Variants in ZFPM2 observed in about 807,000 individuals in gnomAD.
ZFPM2 encodes the protein zinc finger protein, FOG family member 2, also known as zinc finger protein ZFPM2.
A neutral mutation model predicts 98.6 loss-of-function variants in ZFPM2; 20 were observed. That is an observed-to-expected ratio of 0.20 (90% CI 0.14 to 0.29). The LOEUF (loss-of-function observed/expected upper bound fraction) is 0.29, where lower values mean the gene tolerates loss of function less well. Ranked by LOEUF, ZFPM2 falls within the 10% of genes least tolerant of loss-of-function variation. The pLI is 1.00. For missense variants in ZFPM2, 1,310 were observed against 1,388.6 expected, an observed-to-expected ratio of 0.94 and a Z score of 0.90; for synonymous variants, 518 against 502.7, an observed-to-expected ratio of 1.03 and a Z score of -0.41.
chr8:105,450,156 A>T (rs927000721), intron 3 of ZFPM2, among the ~76,000 whole-genome samples: 6 of 152,132 alleles, frequency 3.9e-5, no homozygotes, highest in African/African-American at 1.4e-4. Context: ...GTTGCTGTTC[A>T]ACATTATGGA....
intron 3 of ZFPM2, among the ~76,000 whole-genome samples, chr8:105,498,292 A>G (rs570921011): frequency 6.6e-6 from 1 of 152,330 alleles, no homozygotes; most frequent in East Asian, 1.9e-4. Flanking sequence ...TAAGCTCTGT[A>G]TTCATAGCTT....
At chr8:105,384,754 A>AGTCC (rs2129897487) in intron 1 of ZFPM2, among the ~76,000 whole-genome samples, 1 of 152,318 alleles carries the variant, frequency 6.6e-6, no homozygotes, top group Admixed American at 6.5e-5. Flanking sequence ...AGCTCCTCTA[A>AGTCC]GTCCTTCCCA....
chr8:105,416,856 A>G (rs1811689321), intron 1 of ZFPM2, among the ~76,000 whole-genome samples: 1 of 152,134 alleles, frequency 6.6e-6, no homozygotes, highest in Admixed American at 6.6e-5. Context: ...TAAAGACTAG[A>G]TCATAAGCAT....
intron 3 of ZFPM2, among the ~76,000 whole-genome samples, chr8:105,552,935 G>A (rs1309655437): frequency 6.7e-6 from 1 of 150,182 alleles, no homozygotes; most frequent in Non-Finnish European, 1.5e-5. Flanking sequence ...TTAGCCTCCT[G>A]AGTAGCTGGG....
intron 3 of ZFPM2, among the ~76,000 whole-genome samples, chr8:105,474,361 T>A (rs908953621): frequency 1.2e-4 from 18 of 152,358 alleles, no homozygotes; most frequent in African/African-American, 4.3e-4. Flanking sequence ...CAACTAGCTC[T>A]TATTTACCCA....
At chr8:105,439,860 A>T (rs1357680805) in intron 2 of ZFPM2, among the ~76,000 whole-genome samples, 2 of 152,212 alleles carry the variant, frequency 1.3e-5, no homozygotes, top group African/African-American at 4.8e-5. Flanking sequence ...TCCCAGAGTG[A>T]TACTCCATTT....
chr8:105,708,503 C>T (rs1203005157), intron 5 of ZFPM2, among the ~76,000 whole-genome samples: 1 of 152,062 alleles, frequency 6.6e-6, no homozygotes, highest in African/African-American at 2.4e-5. Flanking sequence ...GATCACGGCT[C>T]ACTGCACCCT....
intron 4 of ZFPM2, among the ~76,000 whole-genome samples, chr8:105,613,811 A>G (rs1816358492): frequency 1.3e-5 from 2 of 152,306 alleles, no homozygotes; most frequent in South Asian, 4.1e-4. Context: ...GTTCCAGAAT[A>G]TCAAATCATT....
chr8:105,354,062 A>G (rs918271942), intron 1 of ZFPM2, among the ~76,000 whole-genome samples: 1 of 152,192 alleles, frequency 6.6e-6, no homozygotes, highest in African/African-American at 2.4e-5. Flanking sequence ...CTCAGTGGAG[A>G]GCACTCATGA....
At chr8:105,335,498 A>C (rs537277910) in intron 1 of ZFPM2, among the ~76,000 whole-genome samples, 1 of 151,708 alleles carries the variant, frequency 6.6e-6, no homozygotes, top group Admixed American at 6.6e-5. Context: ...TTGGGAAAAA[A>C]GTTAATCTCT....
chr8:105,404,585 G>A (rs1302951630), intron 1 of ZFPM2, among the ~76,000 whole-genome samples: 1 of 151,926 alleles, frequency 6.6e-6, no homozygotes, highest in Non-Finnish European at 1.5e-5. Context: ...AGCTCACTTC[G>A]AGTCATGTTA....
intron 4 of ZFPM2, among the ~76,000 whole-genome samples, chr8:105,613,074 A>G (rs1816338616): frequency 6.6e-6 from 1 of 152,128 alleles, no homozygotes; most frequent in Non-Finnish European, 1.5e-5. Context: ...TTATTTGATT[A>G]AAACAGATTT....
chr8:105,446,424 A>G (rs1812371295), intron 3 of ZFPM2, among the ~76,000 whole-genome samples: 1 of 152,106 alleles, frequency 6.6e-6, no homozygotes, highest in Non-Finnish European at 1.5e-5. Context: ...CTTGGGAGTA[A>G]GTAAGCAAAT....
chr8:105,361,305 A>G (rs1224336398), intron 1 of ZFPM2, among the ~76,000 whole-genome samples: 2 of 147,700 alleles, frequency 1.4e-5, no homozygotes, highest in Non-Finnish European at 3.0e-5. Context: ...TCCTTTGCCC[A>G]CTTTTTGATG....
chr8:105,683,381 A>G (rs1233991241), intron 5 of ZFPM2, among the ~76,000 whole-genome samples: 1 of 152,156 alleles, frequency 6.6e-6, no homozygotes, highest in African/African-American at 2.4e-5. Context: ...TATAAAGTGA[A>G]TGTCACCATT....
intron 3 of ZFPM2, among the ~76,000 whole-genome samples, chr8:105,463,946 C>A (rs978488065): frequency 2.4e-4 from 37 of 152,132 alleles, no homozygotes; most frequent in Admixed American, 5.9e-4. Flanking sequence ...GTGAGGAATG[C>A]ACATGCCAGA....
intron 5 of ZFPM2, among the ~76,000 whole-genome samples, chr8:105,683,626 T>G (rs1236539881): frequency 6.6e-6 from 1 of 152,142 alleles, no homozygotes; most frequent in Non-Finnish European, 1.5e-5. Flanking sequence ...CATGTCTTAT[T>G]ATGTCCACGC....
At chr8:105,779,253 T>G (rs1415620037) in intron 5 of ZFPM2, among the ~76,000 whole-genome samples, 1 of 152,184 alleles carries the variant, frequency 6.6e-6, no homozygotes, top group East Asian at 1.9e-4. Flanking sequence ...TAATACAAAA[T>G]CTAAATGTGA....
chr8:105,393,894 C>CTTT (rs771677766), intron 1 of ZFPM2, among the ~76,000 whole-genome samples: 2 of 134,744 alleles, frequency 1.5e-5, no homozygotes, highest in Non-Finnish European at 3.2e-5. Context: ...TAAAATATTT[C>CTTT]TTTTTTTTTT....
Sources: allele counts gnomAD v4.1 joint callset (sites outside exome capture counted in the v4.1 genomes callset), GRCh38; gene constraint gnomAD v4.1.1; transcripts MANE v1.5; gene names NCBI Gene and HGNC (gene_info 2026-07-23, HGNC 2026-07-21).